The following PTPN22 variants were observed in gnomAD, a reference collection of about 807,000 sequenced individuals.
PTPN22 encodes the protein protein tyrosine phosphatase non-receptor type 22, also known as tyrosine-protein phosphatase non-receptor type 22.
A neutral mutation model predicts 103.3 loss-of-function variants in PTPN22; 85 were observed. That is an observed-to-expected ratio of 0.82 (90% CI 0.69 to 0.99). The LOEUF is 0.99. PTPN22 is among the 50% of genes least tolerant of loss of function. PTPN22 has a pLI of 0.00. For synonymous variants in PTPN22, 323 were observed against 310.2 expected, an observed-to-expected ratio of 1.04 and a Z score of -0.43; for missense variants, 865 against 936.9, an observed-to-expected ratio of 0.92 and a Z score of 1.00.
At chr1:113,835,690 G>A (rs769010536) in intron 13 of PTPN22, among the ~76,000 whole-genome samples, 8 of 151,972 alleles carry the variant, frequency 5.3e-5, no homozygotes, top group Non-Finnish European at 8.8e-5. Flanking sequence ...GTGCTTTGAC[G>A]TGTAAAAGGT....
intron 8 of PTPN22, 85 bp downstream of exon 8, chr1:113,854,822 C>A (rs1423565162): frequency 1.4e-6 from 2 of 1,451,994 alleles, no homozygotes; most frequent in Non-Finnish European, 1.9e-6. Flanking sequence ...TTGCTATTAA[C>A]CTTTTCCCCT....
intron 5 of PTPN22, 55 bp from the exon 6 acceptor site, chr1:113,856,674 A>C (rs1174839799): frequency 1.2e-6 from 2 of 1,610,752 alleles, no homozygotes; most frequent in Non-Finnish European, 1.7e-6. Context: ...AGTCTTTTCC[A>C]CTCTCTCATT....
intron 1 of PTPN22, among the ~76,000 whole-genome samples, chr1:113,866,390 A>G (rs866732976): frequency 6.6e-6 from 1 of 152,092 alleles, no homozygotes; most frequent in Admixed American, 6.5e-5. Context: ...ACACTCCTGT[A>G]GTCCCAGCTA....
chr1:113,865,070 T>A (rs1666008635), intron 1 of PTPN22, among the ~76,000 whole-genome samples: 1 of 152,176 alleles, frequency 6.6e-6, no homozygotes, highest in Non-Finnish European at 1.5e-5. Flanking sequence ...AGAGACACCA[T>A]GTAGGACATT....
exon 10 of PTPN22, chr1:113,852,063 T>A: frequency 3.1e-6 from 5 of 1,611,946 alleles, no homozygotes; most frequent in Non-Finnish European, 4.2e-6. Context: ...GTGTCCGCAT[T>A]TCCCGGATCA....
chr1:113,841,668 T>A (rs1220410860), intron 11 of PTPN22, among the ~76,000 whole-genome samples: 2 of 151,136 alleles, frequency 1.3e-5, no homozygotes, highest in African/African-American at 4.9e-5. Flanking sequence ...AGTGGTGCGA[T>A]CTCGGCTCAC....
chr1:113,843,531 G>A (rs115513425), intron 11 of PTPN22, among the ~76,000 whole-genome samples: 2 of 152,178 alleles, frequency 1.3e-5, no homozygotes, highest in Non-Finnish European at 2.9e-5. Flanking sequence ...GGGCCAGTGG[G>A]AGGGGAGAAT....
chr1:113,852,244 A>T, intron 9 of PTPN22, 140 bp from the exon 10 acceptor site: 1 of 630,118 alleles, frequency 1.6e-6, no homozygotes, highest in East Asian at 2.9e-5. Flanking sequence ...TTTAAAACAA[A>T]TGAGGTTTCT....
intron 11 of PTPN22, among the ~76,000 whole-genome samples, chr1:113,840,952 C>T (rs12066423): frequency 1.1e-3 from 174 of 152,318 alleles, no homozygotes; most frequent in Middle Eastern, 3.4e-3. Context: ...AGGCTGGGTG[C>T]GGTGGCTCAT....
chr1:113,815,824 G>A lies in PTPN22; in HGVS notation c.2360-855C>T, dbSNP rs372704896. The stretch of plus-strand genomic sequence containing the variant: ...CTCCTGAGTAGCTGGGATTACAGGC[G>A]CCAGCCAACATGCCTGGGTAATTTT... On this transcript the variant is annotated intron_variant, in intron 20 of 20. Coordinates refer to ENST00000359785, the Ensembl canonical transcript of PTPN22. 2.4e-4 allele frequency among the ~76,000 whole-genome samples: 37 copies of A among 152,254 alleles called. 1 individual carries two copies. Among genetic ancestry groups the A allele is most frequent in the African/African-American group, 8.2e-4 (34 of 41,550 alleles).
intron 20 of PTPN22, among the ~76,000 whole-genome samples, chr1:113,817,441 T>G (rs982221869): frequency 6.6e-6 from 1 of 152,086 alleles, no homozygotes. Context: ...TGCTGATTTT[T>G]GGGTTTTTTT....
intron 20 of PTPN22, among the ~76,000 whole-genome samples, chr1:113,818,615 A>C (rs1052101919): frequency 4.2e-4 from 64 of 152,162 alleles, no homozygotes; most frequent in Admixed American, 3.9e-3. Context: ...CCATCCACCA[A>C]TATCTTCTTT....
chr1:113,816,954 C>T (rs1661204473), intron 20 of PTPN22, among the ~76,000 whole-genome samples: 1 of 151,466 alleles, frequency 6.6e-6, no homozygotes, highest in African/African-American at 2.4e-5. Context: ...TATGCCAGAA[C>T]TGGAAGAGAA....
At chr1:113,852,158 G>T in intron 9 of PTPN22, 54 bp from the exon 10 acceptor site, 1 of 1,355,618 alleles carries the variant, frequency 7.4e-7, no homozygotes. Context: ...ATAAATTATT[G>T]CTACTTTTTC....
intron 19 of PTPN22, among the ~76,000 whole-genome samples, chr1:113,822,195 G>C (rs1458480140): frequency 6.6e-6 from 1 of 152,142 alleles, no homozygotes; most frequent in Non-Finnish European, 1.5e-5. Context: ...GCTTAAGTTA[G>C]GTTTTCTGTC....
intron 9 of PTPN22, among the ~76,000 whole-genome samples, chr1:113,853,129 G>T (rs1318949861): frequency 6.6e-6 from 1 of 151,638 alleles, no homozygotes; most frequent in Non-Finnish European, 1.5e-5. Flanking sequence ...GTTGAGACAG[G>T]GTTTCTCCAT....
chr1:113,835,957 A>G lies in PTPN22; in HGVS notation c.1811-964T>C, dbSNP rs192940946. Among the ~76,000 whole-genome samples the G allele has an allele frequency of 2.9e-3, 436 of 151,930 alleles. 1 individual carries two copies. The highest frequency in any genetic ancestry group is 9.3e-3 in the African/African-American group (384 of 41,412). On this transcript the variant is annotated intron_variant, in intron 13 of 20. Coordinates refer to ENST00000359785, the Ensembl canonical transcript of PTPN22. ...ATTAATTAATTTTTTTTTGAGACGG[A>G]GTCTCGCTCTGTTTTTTAATGATGC...
intron 14 of PTPN22, 24 bp from the exon 15 acceptor site, chr1:113,834,463 G>T: frequency 6.2e-7 from 1 of 1,601,158 alleles, no homozygotes; most frequent in South Asian, 1.1e-5. Flanking sequence ...AATATAGTTC[G>T]GTTCTTAAGA....
chr1:113,834,331 G>C (rs773085386), exon 15 of PTPN22: 1 of 1,613,870 alleles, frequency 6.2e-7, no homozygotes, highest in African/African-American at 1.3e-5. Flanking sequence ...AAGTATCACA[G>C]AGTCATCAAA....
Sources: gnomAD v4.1 joint callset for allele counts (sites outside exome capture counted in the v4.1 genomes callset) on GRCh38, gnomAD v4.1.1 for gene constraint, MANE v1.5 for transcripts, NCBI Gene and HGNC (gene_info 2026-07-23, HGNC 2026-07-21) for gene names.